NRG3: variants seen among roughly 807,000 people sequenced by gnomAD.
NRG3 encodes pro-neuregulin-3, membrane-bound isoform.
Under a neutral mutation model 66.9 loss-of-function variants are expected in NRG3, and 31 were observed. That is an observed-to-expected ratio of 0.46 (90% confidence interval 0.35 to 0.63). NRG3 has a LOEUF of 0.63. Among genes scored for constraint, NRG3 ranks in the 20% least tolerant of loss-of-function variants. NRG3 has a pLI of 0.00. For missense variants in NRG3, 910 were observed against 878.9 expected (o/e 1.04, Z -0.45); for synonymous variants, 393 against 359.4 (o/e 1.09, Z -1.06).
chr10:82,080,991 G>A (rs2065361630), intron 1 of NRG3, among the ~76,000 whole-genome samples: 1 of 152,116 alleles, frequency 6.6e-6, no homozygotes. Flanking sequence ...TCTGGGATCT[G>A]GTCCTCACTG....
chr10:82,363,659 G>T (rs2084334253), intron 2 of NRG3, among the ~76,000 whole-genome samples: 1 of 151,546 alleles, frequency 6.6e-6, no homozygotes, highest in African/African-American at 2.4e-5. Flanking sequence ...GGGTTTCACT[G>T]TGTTAGCCAG....
intron 1 of NRG3, among the ~76,000 whole-genome samples, chr10:81,977,921 C>A (rs2060187250): frequency 6.6e-6 from 1 of 152,000 alleles, no homozygotes; most frequent in South Asian, 2.1e-4. Flanking sequence ...AATAATTGTA[C>A]ATTTTGTGGG....
rs367726673 is a variant in NRG3 at position 82,801,254 on chromosome 10, G to A, written c.1027+62604G>A. On this transcript the variant is annotated intron_variant, in intron 3 of 8. Coordinates refer to ENST00000372141, the MANE Select transcript of NRG3 (RefSeq NM_001010848.4). ...GTCCAACCACCATGTTTAATCTCAG[G>A]AATCTGGAGAGATTTATCCATGGTA... Among the ~76,000 whole-genome samples, 17 of 152,238 alleles carry A rather than the reference G, an allele frequency of 1.1e-4. No individual in the cohort carries two copies. The East Asian group carries it at 1.4e-3, about 12-fold the overall frequency.
chr10:82,169,651 C>A (rs2072402606), intron 1 of NRG3, among the ~76,000 whole-genome samples: 1 of 151,432 alleles, frequency 6.6e-6, no homozygotes, highest in Admixed American at 6.6e-5. Context: ...TTTATTTCAC[C>A]TATCTTTCTT....
Position 82,953,304 on chromosome 10 carries a change from T to G in NRG3, c.1157+1733T>G, listed in dbSNP as rs139713865. On this transcript the variant is annotated intron_variant, in intron 5 of 8. Coordinates refer to ENST00000372141, the MANE Select transcript of NRG3 (RefSeq NM_001010848.4). ...CCAGAATTTATTTTAAAATGTTTAT[T>G]TTTCAAAGTCATAAAGAAGAAAATG... Among the ~76,000 whole-genome samples the G allele has an allele frequency of 4.3e-3, 655 of 152,132 alleles. 17 individuals carry two copies. The highest frequency in any genetic ancestry group is 0.015 in the African/African-American group (633 of 41,372).
In NRG3 at chr10:82,227,473, G is replaced by T. The variant is rs1199186249; in HGVS notation, c.824-131266G>T. ...TTGATTAAGGGAAAAAACTTAAAGG[G>T]TTTTTCTTTTTTAACTTGCTTATCT... On this transcript the variant is annotated intron_variant, in intron 1 of 8. Transcript: ENST00000372141. 2.6e-5 allele frequency among the ~76,000 whole-genome samples: 4 copies of T among 151,962 alleles called. No homozygotes were observed. In the East Asian group the frequency reaches 7.7e-4, roughly 29 times the overall value.
At chr10:82,763,487 C>T (rs1161661434) in intron 3 of NRG3, among the ~76,000 whole-genome samples, 1 of 152,008 alleles carries the variant, frequency 6.6e-6, no homozygotes, top group Non-Finnish European at 1.5e-5. Context: ...AAAACTTAGA[C>T]TTGTAGCATA....
At chr10:82,525,292 C>T (rs1327200748) in intron 2 of NRG3, among the ~76,000 whole-genome samples, 2 of 151,800 alleles carry the variant, frequency 1.3e-5, no homozygotes, top group Non-Finnish European at 3.0e-5. Context: ...ATCCATCTAG[C>T]CAAATTTTAA....
At chr10:82,178,107 GAAAATA>G (rs1422699731) in intron 1 of NRG3, among the ~76,000 whole-genome samples, 2 of 151,532 alleles carry the variant, frequency 1.3e-5, no homozygotes, top group South Asian at 2.1e-4. Flanking sequence ...GGTTAATGTA[GAAAATA>G]AAAATAAAAC....
intron 2 of NRG3, among the ~76,000 whole-genome samples, chr10:82,635,805 A>G (rs904167600): frequency 2.0e-5 from 3 of 151,848 alleles, no homozygotes; most frequent in African/African-American, 7.3e-5. Context: ...GGCTGTGTTC[A>G]GGATGATTGT....
At chr10:82,398,572 A>G (rs2086880312) in intron 2 of NRG3, among the ~76,000 whole-genome samples, 1 of 150,692 alleles carries the variant, frequency 6.6e-6, no homozygotes, top group Admixed American at 6.7e-5. Flanking sequence ...GCAACGGTGA[A>G]ATCAGTAAGA....
chr10:82,375,793 C>T (rs568081003), intron 2 of NRG3, among the ~76,000 whole-genome samples: 8 of 152,098 alleles, frequency 5.3e-5, no homozygotes, highest in Non-Finnish European at 1.0e-4. Context: ...TCCTAGGTCT[C>T]CTCGAATTCT....
chr10:82,576,786 C>T (rs2046058773), intron 2 of NRG3, among the ~76,000 whole-genome samples: 1 of 151,658 alleles, frequency 6.6e-6, no homozygotes, highest in African/African-American at 2.4e-5. Context: ...CTTGCAGCAC[C>T]AGTCCCTAGC....
intron 2 of NRG3, among the ~76,000 whole-genome samples, chr10:82,604,447 A>G (rs1240293216): frequency 6.6e-6 from 1 of 152,130 alleles, no homozygotes; most frequent in African/African-American, 2.4e-5. Context: ...ATTGAAGGCC[A>G]TTTTGGTTGC....
chr10:82,798,753 T>C (rs2060906372), intron 3 of NRG3, among the ~76,000 whole-genome samples: 1 of 152,238 alleles, frequency 6.6e-6, no homozygotes, highest in African/African-American at 2.4e-5. Flanking sequence ...TGTGTATAAA[T>C]GGAAAATCAC....
intron 1 of NRG3, among the ~76,000 whole-genome samples, chr10:81,908,363 G>C (rs904026136): frequency 6.6e-6 from 1 of 152,242 alleles, no homozygotes; most frequent in East Asian, 1.9e-4. Context: ...CCAATACAAT[G>C]AGCCTATGAT....
At chr10:82,233,366 A>G (rs1209930566) in intron 1 of NRG3, among the ~76,000 whole-genome samples, 1 of 151,396 alleles carries the variant, frequency 6.6e-6, no homozygotes, top group African/African-American at 2.5e-5. Context: ...CTCCATCTCA[A>G]AAACAAAACA....
intron 1 of NRG3, among the ~76,000 whole-genome samples, chr10:82,114,564 T>C (rs1189622159): frequency 1.3e-5 from 2 of 152,096 alleles, no homozygotes; most frequent in Non-Finnish European, 2.9e-5. Flanking sequence ...TCGTCAAAAG[T>C]GTCTCCTTCA....
At chr10:82,877,064 T>G (rs1326316880) in intron 4 of NRG3, among the ~76,000 whole-genome samples, 4 of 151,270 alleles carry the variant, frequency 2.6e-5, no homozygotes, top group Non-Finnish European at 5.9e-5. Context: ...CTCAGAGTTA[T>G]CAGAGAAGTT....
Sources: gnomAD v4.1 joint callset for allele counts (sites outside exome capture counted in the v4.1 genomes callset) on GRCh38, gnomAD v4.1.1 for gene constraint, MANE v1.5 for transcripts, NCBI Gene and HGNC (gene_info 2026-07-23, HGNC 2026-07-21) for gene names.